Variants in FLVCR1 observed in about 807,000 individuals in gnomAD.
The protein encoded by FLVCR1 is FLVCR choline and heme transporter 1, also known as choline/ethanolamine transporter FLVCR1.
FLVCR1 carries 34 observed loss-of-function variants against 53.6 expected under a neutral mutation model. The observed-to-expected ratio is 0.63, with a 90% CI of 0.48 to 0.84. The LOEUF is 0.84. Among genes scored for constraint, FLVCR1 ranks in the 40% least tolerant of loss-of-function variants. The pLI, the probability that FLVCR1 is intolerant of heterozygous loss-of-function variation, is 0.00. For synonymous variants in FLVCR1, 300 were observed against 286.3 expected (o/e 1.05, Z -0.48); for missense variants, 677 against 696.7 (o/e 0.97, Z 0.32).
intron 4 of FLVCR1, among the ~76,000 whole-genome samples, chr1:212,884,782 C>T (rs1472342): frequency 0.46 from 70,499 of 152,012 alleles, 17,588 homozygotes; most frequent in East Asian, 0.56. Flanking sequence ...ACCTAGGCTA[C>T]GTGGTATAGC....
chr1:212,885,611 C>T (rs1162427175), intron 5 of FLVCR1: 16 of 429,824 alleles, frequency 3.7e-5, no homozygotes, highest in South Asian at 5.2e-5. Flanking sequence ...AGTGCAGTGG[C>T]GCAATCTCGG....
rs1461636965 is a variant in FLVCR1 at position 212,882,379 on chromosome 1, G to A, written c.1025-992G>A. ...TCTCAATATAGTGTAACAAGAGCAA[G>A]TTGCAGATGGATACAAATAATATTT... On this transcript the variant is annotated intron_variant, in intron 3 of 9. Transcript: ENST00000366971. Among the ~76,000 whole-genome samples the A allele has an allele frequency of 2.0e-5, 3 of 152,112 alleles. No individual in the cohort carries two copies. The East Asian group carries it at 5.8e-4, about 29-fold the overall frequency.
chr1:212,874,542 TTTTTGAGATG>T (rs1664699797), intron 3 of FLVCR1, among the ~76,000 whole-genome samples: 1 of 148,174 alleles, frequency 6.7e-6, no homozygotes. Context: ...TTTTTTTTTT[TTTTTGAGATG>T]GAGTTTCTCT....
At chr1:212,869,607 G>A (rs193055308) in intron 2 of FLVCR1, among the ~76,000 whole-genome samples, 197 of 152,146 alleles carry the variant, frequency 1.3e-3, no homozygotes, top group African/African-American at 3.6e-3. Context: ...GCGGTGGTGC[G>A]ACCTTGGCTC....
chr1:212,884,806 G>A (rs1665018874), intron 4 of FLVCR1, among the ~76,000 whole-genome samples: 1 of 152,154 alleles, frequency 6.6e-6, no homozygotes, highest in Non-Finnish European at 1.5e-5. Context: ...TTGCTCCTAG[G>A]CTACAAACCT....
chr1:212,888,009 T>C lies in FLVCR1; in HGVS notation c.1307+8T>C. 7.0e-7 allele frequency: 1 copy of C among 1,437,308 alleles called. No individual in the cohort carries two copies. Among genetic ancestry groups the C allele is most frequent in the Non-Finnish European group, 9.8e-7 (1 of 1,019,010 alleles). 89.0% of individuals were successfully genotyped at this position (1,437,308 alleles called of 1,614,324 possible). A position where few individuals can be genotyped will look rare whatever the true frequency, so the allele number is the denominator to read the frequency against. ...TACTGGAGGGGTGCTTGGGTAAGTA[T>C]CAGATGTGTTTAGGAGGAATGATAG... is the stretch of plus-strand genomic sequence containing the variant. On this transcript the variant is annotated splice_region_variant and intron_variant, in intron 6 of 9. Transcript: ENST00000366971.
intron 4 of FLVCR1, among the ~76,000 whole-genome samples, chr1:212,884,435 A>G (rs1665007553): frequency 6.6e-6 from 1 of 152,206 alleles, no homozygotes; most frequent in East Asian, 1.9e-4. Context: ...CACACACAAT[A>G]TGGAAAGCAG....
At chr1:212,860,096 A>C (rs917585038) in intron 1 of FLVCR1, among the ~76,000 whole-genome samples, 2 of 150,156 alleles carry the variant, frequency 1.3e-5, no homozygotes, top group Admixed American at 1.3e-4. Context: ...CAGCCTGGCC[A>C]ACATGGCAAA....
Position 212,885,334 on chromosome 1 carries a change from A to G in FLVCR1, c.1134A>G (p.Val378=). The change falls in exon 5 of 10, where the codon GTA becomes GTG. Residue 378 remains valine (V), a synonymous_variant. Transcript: ENST00000366971. The stretch of plus-strand genomic sequence containing the variant: ...CTGGAAGGATTGGGCTAACGCTAGT[A>G]GTAGCTGGAATGGTGGGCTCTATTC... ...VNAGRIGLTL[V]VAGMVGSILC... 6.2e-7 allele frequency: 1 copy of G among 1,614,148 alleles called. No homozygotes were observed. The highest frequency in any genetic ancestry group is 8.5e-7 in the Non-Finnish European group (1 of 1,180,002).
At chr1:212,887,474 A>G (rs1665088637) in intron 5 of FLVCR1, among the ~76,000 whole-genome samples, 1 of 152,218 alleles carries the variant, frequency 6.6e-6, no homozygotes, top group Admixed American at 6.5e-5. Context: ...AAGTTAAATA[A>G]TATAACAAAC....
Position 212,883,358 on chromosome 1 carries a change from TTTA to T in FLVCR1, c.1025-7_1025-5del. 1.4e-6 allele frequency: 2 copies of T among 1,401,708 alleles called. No homozygotes were observed. Among genetic ancestry groups the T allele is most frequent in the East Asian group, 2.3e-5 (1 of 43,828 alleles). The allele number at this position is 1,401,708 out of a possible 1,614,324, so 86.8% of individuals were successfully genotyped here. On this transcript the variant is annotated splice_polypyrimidine_tract_variant and intron_variant, in intron 3 of 9. Transcript: ENST00000366971. The stretch of plus-strand genomic sequence containing the variant: ...GTATCATGACTTAATATCATCTTTA[TTTA>T]TTATTGTAGGTATCATGACTGGTGC...
chr1:212,869,838 G>A (rs1664545369), intron 2 of FLVCR1, among the ~76,000 whole-genome samples: 1 of 152,256 alleles, frequency 6.6e-6, no homozygotes, highest in Admixed American at 6.5e-5. Context: ...CGCCCAGCCA[G>A]AAGTCAGAAA....
chr1:212,872,637 A>G, intron 2 of FLVCR1, 41 bp from the exon 3 acceptor site: 2 of 1,287,230 alleles, frequency 1.6e-6, no homozygotes, highest in Non-Finnish European at 2.2e-6. Flanking sequence ...CATATTGTAT[A>G]TATATTAAAT....
chr1:212,893,890 C>T (rs1360877434), intron 8 of FLVCR1, among the ~76,000 whole-genome samples: 1 of 152,154 alleles, frequency 6.6e-6, no homozygotes, highest in African/African-American at 2.4e-5. Flanking sequence ...ATTCTCCTGC[C>T]TCAGCCTCCT....
At chr1:212,867,430 A>T (rs974219440) in intron 2 of FLVCR1, among the ~76,000 whole-genome samples, 1 of 152,208 alleles carries the variant, frequency 6.6e-6, no homozygotes, top group African/African-American at 2.4e-5. Context: ...CATTTTATAG[A>T]CAAGGAAACT....
chr1:212,888,546 C>T lies in FLVCR1; in HGVS notation c.1365C>T (p.Tyr455=), dbSNP rs779980010. The T allele has an allele frequency of 2.5e-5, 41 of 1,613,760 alleles. No individual in the cohort carries two copies. The highest frequency in any genetic ancestry group is 3.2e-5 in the Non-Finnish European group (38 of 1,179,856). Residue 455 remains tyrosine, a synonymous_variant, in exon 7 of 10, where the codon TAC becomes TAT. Coordinates refer to ENST00000366971, the MANE Select transcript of FLVCR1 (RefSeq NM_014053.4). ...LGFEFAVEIT[Y]PESEGTSSGL... ...TTGAATTTGCTGTTGAAATCACTTA[C>T]CCTGAATCTGAAGGTACTTCATCTG...
At chr1:212,885,904 C>A (rs1033340581) in intron 5 of FLVCR1, among the ~76,000 whole-genome samples, 5 of 152,016 alleles carry the variant, frequency 3.3e-5, no homozygotes, top group African/African-American at 1.2e-4. Flanking sequence ...ACATTTATTT[C>A]AATTCTGAGA....
In FLVCR1 at chr1:212,895,396, C is replaced by G. The variant is rs1227627269; in HGVS notation, c.*106C>G. On this transcript the variant is annotated 3_prime_UTR_variant, in exon 10 of 10. Transcript: ENST00000366971. ...GGTTTGTATGTGGTGGGGGAATAAA[C>G]ACACTTACTTGAAAATTACCATATG... The G allele has an allele frequency of 1.3e-6, 1 of 786,174 alleles. No homozygotes were observed. Among genetic ancestry groups the G allele is most frequent in the Non-Finnish European group, 2.3e-6 (1 of 440,690 alleles). 48.7% of individuals were successfully genotyped at this position (786,174 alleles called of 1,614,324 possible). A position where few individuals can be genotyped will look rare whatever the true frequency, so the allele number is the denominator to read the frequency against.
intron 3 of FLVCR1, among the ~76,000 whole-genome samples, chr1:212,881,775 T>C (rs1664937583): frequency 6.6e-6 from 1 of 152,224 alleles, no homozygotes; most frequent in African/African-American, 2.4e-5. Flanking sequence ...AGACAGGACT[T>C]AGACTATGAG....
Sources: allele counts gnomAD v4.1 joint callset (sites outside exome capture counted in the v4.1 genomes callset), GRCh38; gene constraint gnomAD v4.1.1; transcripts MANE v1.5; gene names NCBI Gene and HGNC (gene_info 2026-07-23, HGNC 2026-07-21).